The following ASAP1 variants were observed in gnomAD, a reference collection of about 807,000 sequenced individuals.
ASAP1 encodes arf-GAP with SH3 domain, ANK repeat and PH domain-containing protein 1.
ASAP1 carries 43 observed loss-of-function variants against 145.2 expected under a neutral mutation model. The observed-to-expected ratio is 0.30, with a 90% CI of 0.23 to 0.38. ASAP1 has a LOEUF of 0.38. Among genes scored for constraint, ASAP1 ranks in the 10% least tolerant of loss-of-function variants. The pLI is 1.00. For synonymous variants in ASAP1, 546 were observed against 515.5 expected (o/e 1.06, Z -0.80); for missense variants, 1,018 against 1,355.3 (o/e 0.75, Z 3.91).
At chr8:130,380,534 C>T (rs1160360470) in intron 2 of ASAP1, among the ~76,000 whole-genome samples, 6 of 152,130 alleles carry the variant, frequency 3.9e-5, no homozygotes, top group Admixed American at 2.0e-4. Flanking sequence ...CTCCACCAAC[C>T]GGCTGGGGTC....
chr8:130,275,917 T>C (rs1054903516), intron 3 of ASAP1, among the ~76,000 whole-genome samples: 2 of 152,026 alleles, frequency 1.3e-5, no homozygotes, highest in Admixed American at 6.5e-5. Flanking sequence ...TAGAAGATAA[T>C]ACCAGTCACA....
At chr8:130,409,271 A>C (rs35118657) in intron 1 of ASAP1, among the ~76,000 whole-genome samples, 49,330 of 151,614 alleles carry the variant, frequency 0.33, 8,786 homozygotes, top group African/African-American at 0.46. Context: ...CAAAAAAAAA[A>C]ACAAAAAACC....
chr8:130,152,957 T>C (rs1586457011), intron 12 of ASAP1, 152 bp from the exon 13 acceptor site: 3 of 538,314 alleles, frequency 5.6e-6, no homozygotes, highest in African/African-American at 3.8e-5. Flanking sequence ...CCTTTTATTA[T>C]CCCAGGTGGA....
At chr8:130,309,558 G>A (rs1394245517) in intron 3 of ASAP1, among the ~76,000 whole-genome samples, 1 of 152,312 alleles carries the variant, frequency 6.6e-6, no homozygotes, top group Non-Finnish European at 1.5e-5. Flanking sequence ...AGACAGAGGC[G>A]TGACCAGGAC....
intron 11 of ASAP1, among the ~76,000 whole-genome samples, chr8:130,162,542 GGCGCAGTGGCTCAC>G (rs1220519198): frequency 2.6e-5 from 4 of 152,170 alleles, no homozygotes; most frequent in Admixed American, 6.5e-5. Context: ...AACATGGCCA[GGCGCAGTGGCTCAC>G]GCCTGTAATC....
intron 2 of ASAP1, among the ~76,000 whole-genome samples, chr8:130,385,712 C>A (rs1046075505): frequency 7.9e-5 from 12 of 152,174 alleles, no homozygotes; most frequent in African/African-American, 2.7e-4. Flanking sequence ...ACATCACTCT[C>A]CCAACAGAGG....
At chr8:130,102,774 C>T (rs931142512) in intron 24 of ASAP1, among the ~76,000 whole-genome samples, 4 of 152,142 alleles carry the variant, frequency 2.6e-5, no homozygotes, top group African/African-American at 9.7e-5. Flanking sequence ...CAGCTTTGAC[C>T]TCCTGGGCTC....
intron 3 of ASAP1, among the ~76,000 whole-genome samples, chr8:130,344,054 CAA>C (rs1736516214): frequency 6.6e-6 from 1 of 152,066 alleles, no homozygotes; most frequent in African/African-American, 2.4e-5. Context: ...TTATTAATAA[CAA>C]AAGTCTGTTA....
intron 5 of ASAP1, among the ~76,000 whole-genome samples, chr8:130,205,153 C>T (rs1338036601): frequency 6.6e-6 from 1 of 152,012 alleles, no homozygotes; most frequent in African/African-American, 2.4e-5. Flanking sequence ...TTTTTCTTCT[C>T]CCTTCTCCAC....
intron 3 of ASAP1, among the ~76,000 whole-genome samples, chr8:130,333,142 C>T (rs1371522773): frequency 1.3e-5 from 2 of 152,186 alleles, no homozygotes; most frequent in South Asian, 2.1e-4. Context: ...CTACTCCATA[C>T]TACCTTATTA....
At chr8:130,322,584 G>GA (rs1824074339) in intron 3 of ASAP1, among the ~76,000 whole-genome samples, 1 of 152,184 alleles carries the variant, frequency 6.6e-6, no homozygotes, top group Non-Finnish European at 1.5e-5. Context: ...AAACATTACT[G>GA]ACCTTCTAAC....
intron 3 of ASAP1, chr8:130,340,763 C>A: frequency 2.6e-6 from 1 of 379,542 alleles, no homozygotes; most frequent in South Asian, 1.9e-5. Context: ...AATGGAGAAA[C>A]TCTGCAAAGC....
intron 3 of ASAP1, among the ~76,000 whole-genome samples, chr8:130,317,116 G>A (rs1001980670): frequency 4.8e-5 from 7 of 146,744 alleles, no homozygotes; most frequent in African/African-American, 1.8e-4. Flanking sequence ...CTCTACAGCT[G>A]TCTATAACAA....
chr8:130,128,102 A>G lies in ASAP1; in HGVS notation c.1218-12T>C. ...ATACTGATATCCATCTGTTGGTAAA[A>G]ACATAAGAGGAAAAAAGTCTTTATA... On this transcript the variant is annotated splice_polypyrimidine_tract_variant and intron_variant, in intron 15 of 29. Transcript: ENST00000518721. The G allele has an allele frequency of 6.6e-7, 1 of 1,511,622 alleles. No individual in the cohort carries two copies. The highest frequency in any genetic ancestry group is 8.8e-7 in the Non-Finnish European group (1 of 1,131,406). The allele number at this position is 1,511,622 out of a possible 1,614,324, so 93.6% of individuals were successfully genotyped here.
intron 29 of ASAP1, among the ~76,000 whole-genome samples, chr8:130,055,711 T>C (rs904553352): frequency 1.5e-4 from 23 of 152,206 alleles, no homozygotes; most frequent in African/African-American, 4.8e-4. Context: ...TAGATTAGTA[T>C]TGATTGCACT....
intron 3 of ASAP1, among the ~76,000 whole-genome samples, chr8:130,290,814 A>C (rs1586764734): frequency 6.6e-6 from 1 of 152,320 alleles, no homozygotes; most frequent in East Asian, 1.9e-4. Context: ...CTACAGGATC[A>C]ATTTTAGTAC....
intron 3 of ASAP1, among the ~76,000 whole-genome samples, chr8:130,353,945 G>GC (rs1363738898): frequency 6.6e-6 from 1 of 151,882 alleles, no homozygotes; most frequent in East Asian, 1.9e-4. Context: ...GGAGTGCAGT[G>GC]GCGTGATCCT....
At chr8:130,153,097 G>A (rs567843234) in intron 12 of ASAP1, among the ~76,000 whole-genome samples, 32 of 151,324 alleles carry the variant, frequency 2.1e-4, no homozygotes, top group Admixed American at 1.9e-3. Flanking sequence ...TCGGCTCACT[G>A]CAACCTCCAT....
intron 2 of ASAP1, among the ~76,000 whole-genome samples, chr8:130,389,461 A>G (rs1286405355): frequency 6.6e-6 from 1 of 152,208 alleles, no homozygotes; most frequent in Non-Finnish European, 1.5e-5. Context: ...TGGCATGTTT[A>G]TAGGTATTAC....
Sources: allele counts gnomAD v4.1 joint callset (sites outside exome capture counted in the v4.1 genomes callset), GRCh38; gene constraint gnomAD v4.1.1; transcripts MANE v1.5; gene names NCBI Gene and HGNC (gene_info 2026-07-23, HGNC 2026-07-21).